The following DEPTOR variants were observed in gnomAD, a reference collection of about 807,000 sequenced individuals.
DEPTOR encodes DEP domain-containing mTOR-interacting protein.
DEPTOR carries 41 observed loss-of-function variants against 41.6 expected under a neutral mutation model. The observed-to-expected ratio is 0.98, with a 90% CI of 0.77 to 1.28. DEPTOR has a LOEUF of 1.28. DEPTOR is among the 50% of genes most tolerant of loss of function. The pLI, the probability that DEPTOR is intolerant of heterozygous loss-of-function variation, is 0.00. For synonymous variants in DEPTOR, 195 were observed against 192.3 expected, an observed-to-expected ratio of 1.01 and a Z score of -0.12; for missense variants, 514 against 527.9, an observed-to-expected ratio of 0.97 and a Z score of 0.26.
chr8:119,902,156 T>A (rs895918045), intron 1 of DEPTOR, among the ~76,000 whole-genome samples: 5 of 152,202 alleles, frequency 3.3e-5, no homozygotes, highest in African/African-American at 1.2e-4. Context: ...AAGCTTTACG[T>A]GAAGTCTTGT....
chr8:119,985,854 T>C (rs1197304622), intron 4 of DEPTOR, among the ~76,000 whole-genome samples: 1 of 104,560 alleles, frequency 9.6e-6, no homozygotes, highest in African/African-American at 3.7e-5. Flanking sequence ...TTTTTTTTTT[T>C]TTTTTTTTTG....
At chr8:119,960,759 G>A (rs964221799) in intron 3 of DEPTOR, among the ~76,000 whole-genome samples, 4 of 152,090 alleles carry the variant, frequency 2.6e-5, no homozygotes, top group African/African-American at 4.8e-5. Flanking sequence ...TGAGGCTGGC[G>A]GATCACCTGA....
At chr8:120,048,569 AG>A (rs1302168450) in intron 8 of DEPTOR, among the ~76,000 whole-genome samples, 3 of 152,234 alleles carry the variant, frequency 2.0e-5, no homozygotes, top group African/African-American at 7.2e-5. Context: ...ACACCCTAGT[AG>A]GTTGGGGAGT....
intron 3 of DEPTOR, among the ~76,000 whole-genome samples, chr8:119,963,868 G>A (rs985402752): frequency 6.6e-5 from 10 of 152,282 alleles, no homozygotes; most frequent in Middle Eastern, 3.4e-3. Flanking sequence ...CTATGTAGTC[G>A]TCTTAGTTCA....
chr8:120,017,723 C>A (rs571154096), intron 8 of DEPTOR, among the ~76,000 whole-genome samples: 3 of 152,158 alleles, frequency 2.0e-5, no homozygotes, highest in Non-Finnish European at 4.4e-5. Flanking sequence ...GGAATTTGAG[C>A]CCTACTTACA....
chr8:119,875,349 G>C (rs996679936), intron 1 of DEPTOR, among the ~76,000 whole-genome samples: 3 of 152,136 alleles, frequency 2.0e-5, no homozygotes, highest in African/African-American at 7.2e-5. Flanking sequence ...AGTGGTGTAA[G>C]TTTGTGAGGT....
chr8:119,971,223 T>TC (rs1427999476), intron 4 of DEPTOR, among the ~76,000 whole-genome samples: 1 of 95,678 alleles, frequency 1.0e-5, no homozygotes, highest in Admixed American at 1.4e-4. Flanking sequence ...AGAGCGAGAC[T>TC]CCGTCTCAAA....
chr8:119,914,442 T>C (rs1163012956), intron 1 of DEPTOR, among the ~76,000 whole-genome samples: 1 of 91,442 alleles, frequency 1.1e-5, no homozygotes, highest in Non-Finnish European at 2.3e-5. Context: ...CACCCAAGCC[T>C]TTTTTTTTCT....
intron 1 of DEPTOR, among the ~76,000 whole-genome samples, chr8:119,889,691 G>A (rs1235371404): frequency 2.5e-5 from 3 of 121,720 alleles, no homozygotes; most frequent in African/African-American, 8.6e-5. Flanking sequence ...GAGGACAGGG[G>A]AGAGGAGTGG....
chr8:120,041,325 A>G (rs1419018218), intron 8 of DEPTOR, among the ~76,000 whole-genome samples: 1 of 152,158 alleles, frequency 6.6e-6, no homozygotes, highest in South Asian at 2.1e-4. Context: ...TCCCATGGGC[A>G]CTCAGTCTAT....
intron 1 of DEPTOR, among the ~76,000 whole-genome samples, chr8:119,911,311 C>A (rs1454719533): frequency 1.9e-5 from 2 of 105,476 alleles, no homozygotes; most frequent in South Asian, 3.3e-4. Context: ...TACACACATT[C>A]TTTTTTTTTT....
chr8:120,037,390 A>G (rs1474395465), intron 8 of DEPTOR, among the ~76,000 whole-genome samples: 2 of 152,174 alleles, frequency 1.3e-5, no homozygotes, highest in East Asian at 3.8e-4. Context: ...AAAATGTACA[A>G]ATTATTTATA....
chr8:119,945,136 C>G (rs760993004), intron 3 of DEPTOR, among the ~76,000 whole-genome samples: 6 of 152,122 alleles, frequency 3.9e-5, no homozygotes, highest in Non-Finnish European at 7.3e-5. Flanking sequence ...ATAGCATATG[C>G]CCCATAAATG....
chr8:119,884,861 C>A (rs998469100), intron 1 of DEPTOR, among the ~76,000 whole-genome samples: 1 of 151,800 alleles, frequency 6.6e-6, no homozygotes, highest in African/African-American at 2.4e-5. Flanking sequence ...CTGCAACCTC[C>A]GCTTCTAAGG....
chr8:119,911,392 C>T (rs1372955454), intron 1 of DEPTOR, among the ~76,000 whole-genome samples: 1 of 148,538 alleles, frequency 6.7e-6, no homozygotes, highest in Non-Finnish European at 1.5e-5. Flanking sequence ...GATCTTGGCT[C>T]ACCACAACCT....
At chr8:120,036,225 G>T (rs1812977541) in intron 8 of DEPTOR, among the ~76,000 whole-genome samples, 1 of 152,154 alleles carries the variant, frequency 6.6e-6, no homozygotes, top group Non-Finnish European at 1.5e-5. Context: ...GAGACCAGCA[G>T]GCATTACAAA....
intron 1 of DEPTOR, among the ~76,000 whole-genome samples, chr8:119,881,221 C>T (rs1827292749): frequency 6.6e-6 from 1 of 152,196 alleles, no homozygotes; most frequent in Middle Eastern, 3.4e-3. Context: ...ATGCAGTTTT[C>T]AGAAAAAAGG....
chr8:119,886,049 C>T (rs554383323), intron 1 of DEPTOR, among the ~76,000 whole-genome samples: 5 of 152,160 alleles, frequency 3.3e-5, no homozygotes, highest in Admixed American at 1.3e-4. Context: ...ATCTATACAA[C>T]GCAAATCCCT....
chr8:119,892,926 A>G (rs1425857573), intron 1 of DEPTOR, among the ~76,000 whole-genome samples: 1 of 151,902 alleles, frequency 6.6e-6, no homozygotes, highest in Admixed American at 6.6e-5. Flanking sequence ...GGGATTACAG[A>G]CACACGCCAC....
Sources: allele counts gnomAD v4.1 joint callset (sites outside exome capture counted in the v4.1 genomes callset), GRCh38; gene constraint gnomAD v4.1.1; transcripts MANE v1.5; gene names NCBI Gene and HGNC (gene_info 2026-07-23, HGNC 2026-07-21).